Variants in CACNA2D3 observed in about 807,000 individuals in gnomAD.
CACNA2D3 encodes the protein voltage-dependent calcium channel subunit alpha-2/delta-3.
In CACNA2D3, 60 loss-of-function variants were observed where a neutral mutation model predicts 160.6. The observed-to-expected ratio is 0.37, with a 90% CI of 0.30 to 0.46. The LOEUF is 0.46. CACNA2D3 is among the 20% of genes least tolerant of loss of function. CACNA2D3 has a pLI of 1.00. For missense variants in CACNA2D3, 1,205 were observed against 1,365.0 expected (o/e 0.88, Z 1.85); for synonymous variants, 558 against 492.9 (o/e 1.13, Z -1.75).
At chr3:54,537,300 G>A (rs1364359082) in intron 5 of CACNA2D3, among the ~76,000 whole-genome samples, 2 of 152,114 alleles carry the variant, frequency 1.3e-5, no homozygotes, top group African/African-American at 4.8e-5. Context: ...AAGCAAGTGG[G>A]CTCTGGACTA....
rs186214953 is a variant in CACNA2D3, at chr3:54,934,349, C to T, written c.2450-34101C>T. Reference sequence around the variant, plus strand: ...CCTCTTGAGCCGTTCAGTGGAGAACCAAGGCTGCCATACGTTTTCTCTAGT... The same window carrying T: ...CCTCTTGAGCCGTTCAGTGGAGAACTAAGGCTGCCATACGTTTTCTCTAGT... On this transcript the variant is annotated intron_variant, in intron 27 of 37. Coordinates refer to ENST00000474759, the MANE Select transcript of CACNA2D3 (RefSeq NM_018398.3). Among the ~76,000 whole-genome samples, 110 of 152,262 alleles carry T rather than the reference C, an allele frequency of 7.2e-4. 1 individual carries two copies. Among genetic ancestry groups the T allele is most frequent in the Admixed American group, 1.4e-3 (22 of 15,292 alleles).
At chr3:54,473,852 A>G (rs371744906) in intron 4 of CACNA2D3, among the ~76,000 whole-genome samples, 6 of 151,932 alleles carry the variant, frequency 3.9e-5, no homozygotes, top group East Asian at 3.9e-4. Flanking sequence ...TCACCCCATG[A>G]CGATGGTGCC....
chr3:54,883,529 C>A (rs1699850990), intron 21 of CACNA2D3, among the ~76,000 whole-genome samples: 1 of 152,268 alleles, frequency 6.6e-6, no homozygotes, highest in South Asian at 2.1e-4. Flanking sequence ...CCCGATAGAT[C>A]TCATCTTTTC....
chr3:54,158,798 A>G (rs1700288069), intron 2 of CACNA2D3, among the ~76,000 whole-genome samples: 2 of 152,216 alleles, frequency 1.3e-5, no homozygotes, highest in Admixed American at 1.3e-4. Flanking sequence ...ATCTGCATAC[A>G]TGCAAAAGAA....
intron 5 of CACNA2D3, among the ~76,000 whole-genome samples, chr3:54,510,126 G>A (rs1701436697): frequency 6.6e-6 from 1 of 152,184 alleles, no homozygotes; most frequent in Non-Finnish European, 1.5e-5. Context: ...CACATGCATA[G>A]GTAGATGGAT....
chr3:54,181,469 AG>A (rs974841668), intron 2 of CACNA2D3, among the ~76,000 whole-genome samples: 5 of 152,208 alleles, frequency 3.3e-5, no homozygotes, highest in Non-Finnish European at 5.9e-5. Flanking sequence ...TAACATAAGG[AG>A]ACATTACGAA....
At chr3:54,192,345 A>C (rs975224178) in intron 2 of CACNA2D3, among the ~76,000 whole-genome samples, 2 of 152,228 alleles carry the variant, frequency 1.3e-5, no homozygotes, top group African/African-American at 4.8e-5. Context: ...TCCTTCTGCA[A>C]ACAGGGCATT....
At chr3:54,505,504 A>T (rs76538150) in intron 5 of CACNA2D3, among the ~76,000 whole-genome samples, 3,111 of 152,248 alleles carry the variant, frequency 0.02, 86 homozygotes, top group East Asian at 0.11. Flanking sequence ...AACAAATGGA[A>T]CCAAGACATA....
intron 2 of CACNA2D3, among the ~76,000 whole-genome samples, chr3:54,136,201 G>A (rs1699811794): frequency 6.6e-6 from 1 of 152,226 alleles, no homozygotes; most frequent in Admixed American, 6.5e-5. Flanking sequence ...TGGTCCCAGT[G>A]TGTCATCAGG....
At chr3:54,727,361 G>A (rs1049627202) in intron 11 of CACNA2D3, among the ~76,000 whole-genome samples, 4 of 152,286 alleles carry the variant, frequency 2.6e-5, no homozygotes, top group Middle Eastern at 3.4e-3. Context: ...ATTCCTCAAG[G>A]ATCTAGAACT....
intron 10 of CACNA2D3, among the ~76,000 whole-genome samples, chr3:54,635,278 TAG>T (rs1328247387): frequency 1.3e-5 from 2 of 151,948 alleles, no homozygotes; most frequent in Non-Finnish European, 1.5e-5. Flanking sequence ...GGCATCTGAT[TAG>T]AGAGTGCCTA....
intron 11 of CACNA2D3, among the ~76,000 whole-genome samples, chr3:54,692,400 C>T (rs531170757): frequency 4.7e-4 from 72 of 152,254 alleles, no homozygotes; most frequent in Non-Finnish European, 8.1e-4. Context: ...CCCACATCCT[C>T]TCTCCTTAGT....
chr3:54,572,758 C>T (rs1263844498), intron 8 of CACNA2D3, among the ~76,000 whole-genome samples: 1 of 152,232 alleles, frequency 6.6e-6, no homozygotes, highest in East Asian at 1.9e-4. Context: ...GATCCCCACA[C>T]ATCCTGAAGC....
rs181431638 is a variant in CACNA2D3 at position 54,928,005 on chromosome 3, G to C, written c.2449+28137G>C. 3.8e-4 allele frequency: 443 copies of C among 1,165,774 alleles called. 2 individuals carry two copies. In the African/African-American group the frequency reaches 5.8e-3, roughly 15 times the overall value. 72.2% of individuals were successfully genotyped at this position (1,165,774 alleles called of 1,614,324 possible). A position where few individuals can be genotyped will look rare whatever the true frequency, so the allele number is the denominator to read the frequency against. On this transcript the variant is annotated intron_variant, in intron 27 of 37. Coordinates refer to ENST00000474759, the MANE Select transcript of CACNA2D3 (RefSeq NM_018398.3). ...AAGGGCATGGCAGACTCAGAGCCCA[G>C]CTTTACATTCAGTCTTTCTGAACCC...
At chr3:54,413,857 G>T (rs1699711736) in intron 4 of CACNA2D3, among the ~76,000 whole-genome samples, 1 of 144,498 alleles carries the variant, frequency 6.9e-6, no homozygotes, top group Non-Finnish European at 1.5e-5. Flanking sequence ...TCCTTCTCTG[G>T]TAATTTCGCC....
intron 9 of CACNA2D3, among the ~76,000 whole-genome samples, chr3:54,621,334 C>T: frequency 6.6e-6 from 1 of 152,226 alleles, no homozygotes. Context: ...CTCTGCTGGC[C>T]TCAACGTTGT....
chr3:54,890,509 A>G (rs188776855), intron 24 of CACNA2D3, among the ~76,000 whole-genome samples: 1,668 of 151,506 alleles, frequency 0.011, 18 homozygotes, highest in Non-Finnish European at 0.018. Context: ...AAAAAAAAAA[A>G]AAAAAGAAAA....
At chr3:54,577,266 C>T (rs979892740) in intron 8 of CACNA2D3, among the ~76,000 whole-genome samples, 1 of 152,130 alleles carries the variant, frequency 6.6e-6, no homozygotes, top group Non-Finnish European at 1.5e-5. Flanking sequence ...GTGGCAGATG[C>T]CTTCCTGCGT....
At chr3:54,890,495 CAAAAA>C (rs34740812) in intron 24 of CACNA2D3, among the ~76,000 whole-genome samples, 2 of 60,858 alleles carry the variant, frequency 3.3e-5, no homozygotes, top group African/African-American at 1.3e-4. Context: ...GACTCCGTCT[CAAAAA>C]AAAAAAAAAA....
Sources: gnomAD v4.1 joint callset for allele counts (sites outside exome capture counted in the v4.1 genomes callset) on GRCh38, gnomAD v4.1.1 for gene constraint, MANE v1.5 for transcripts, NCBI Gene and HGNC (gene_info 2026-07-23, HGNC 2026-07-21) for gene names.